CDKL3: variants seen among roughly 807,000 people sequenced by gnomAD.
CDKL3 encodes cyclin dependent kinase like 3.
CDKL3 carries 65 observed loss-of-function variants against 69.3 expected under a neutral mutation model. That is an observed-to-expected ratio of 0.94 (90% CI 0.77 to 1.15). The LOEUF (loss-of-function observed/expected upper bound fraction) is 1.15, where lower values mean the gene tolerates loss of function less well. Among genes scored for constraint, CDKL3 ranks in the 50% most tolerant of loss-of-function variants. The probability of loss-of-function intolerance (pLI) is 0.00; values close to 1 mark genes in which losing one functional copy is unlikely to be tolerated. For synonymous variants in CDKL3, 202 were observed against 221.6 expected (o/e 0.91, Z 0.79); for missense variants, 652 against 689.2 (o/e 0.95, Z 0.61).
chr5:134,329,668 A>G (rs1775289014), intron 4 of CDKL3, among the ~76,000 whole-genome samples: 1 of 151,612 alleles, frequency 6.6e-6, no homozygotes, highest in Non-Finnish European at 1.5e-5. Flanking sequence ...AGGGGGTTTC[A>G]CCATGTTAGC....
chr5:134,298,005 C>T (rs532008950), downstream of CDKL3, among the ~76,000 whole-genome samples: 22 of 151,640 alleles, frequency 1.5e-4, no homozygotes, highest in African/African-American at 5.3e-4. Context: ...ATGATCTTGG[C>T]TCTCTGCAAC....
At chr5:134,364,741 G>A (rs926018338) in intron 2 of CDKL3, among the ~76,000 whole-genome samples, 2 of 151,976 alleles carry the variant, frequency 1.3e-5, no homozygotes, top group African/African-American at 4.8e-5. Context: ...TCGAACTCCT[G>A]ACCTCAGGTG....
At chr5:134,368,401 G>A (rs1003390674), upstream of CDKL3, among the ~76,000 whole-genome samples, 3 of 152,040 alleles carry the variant, frequency 2.0e-5, no homozygotes, top group Non-Finnish European at 2.9e-5. Flanking sequence ...GGCGGATCAC[G>A]AGGTCAGGAG....
intron 2 of CDKL3, among the ~76,000 whole-genome samples, chr5:134,364,809 T>C (rs888796233): frequency 8.9e-5 from 12 of 135,148 alleles, no homozygotes; most frequent in African/African-American, 1.7e-4. Flanking sequence ...CACAGCGCCC[T>C]TTTTTTTTTT....
chr5:134,365,151 T>C (rs1277805720), intron 2 of CDKL3, among the ~76,000 whole-genome samples: 2 of 151,800 alleles, frequency 1.3e-5, no homozygotes, highest in Non-Finnish European at 2.9e-5. Context: ...CCCGGCTAAT[T>C]TTTTGTATTT....
chr5:134,348,070 T>TAA (rs1752384967), intron 4 of CDKL3, among the ~76,000 whole-genome samples: 1 of 152,062 alleles, frequency 6.6e-6, no homozygotes, highest in Non-Finnish European at 1.5e-5. Flanking sequence ...TGGAGGCACA[T>TAA]TTGGGTGACA....
chr5:134,345,187 G>A (rs980654965), intron 4 of CDKL3, among the ~76,000 whole-genome samples: 1 of 152,090 alleles, frequency 6.6e-6, no homozygotes, highest in Non-Finnish European at 1.5e-5. Flanking sequence ...TTTTTACTGA[G>A]GTGATGAAAA....
At chr5:134,324,076 A>G (rs1005013530) in intron 4 of CDKL3, among the ~76,000 whole-genome samples, 4 of 152,248 alleles carry the variant, frequency 2.6e-5, no homozygotes, top group African/African-American at 9.6e-5. Context: ...TACAGATGGC[A>G]AATGGGCATA....
chr5:134,349,991 C>A (rs540984338), intron 4 of CDKL3, among the ~76,000 whole-genome samples: 14 of 152,194 alleles, frequency 9.2e-5, no homozygotes, highest in African/African-American at 2.4e-4. Flanking sequence ...AGTTCGAAAC[C>A]AGCCTGACCA....
intron 12 of CDKL3, 31 bp downstream of exon 12, chr5:134,302,559 C>A: frequency 9.0e-7 from 1 of 1,114,136 alleles, no homozygotes; most frequent in Non-Finnish European, 1.3e-6. Context: ...AACAACATGC[C>A]TTAGTAAAAG....
intron 3 of CDKL3, among the ~76,000 whole-genome samples, chr5:134,355,301 G>C (rs988157163): frequency 1.0e-4 from 15 of 147,800 alleles, no homozygotes; most frequent in Admixed American, 2.0e-4. Context: ...TCAGTTGTAA[G>C]AGAAACACCT....
rs578087258 is a variant in CDKL3, at chr5:134,366,484, T to C, written c.40A>G (p.Ser14Gly). ...TTACATTTCATGACTGTTCCGTAAC[T>C]TCCCTCTCCCACTTTTCCAAGGGTT... ...YETLGKVGEG[S>G]YGTVMKCKHK... is the part of the protein sequence containing the mutation. The change falls in exon 2 of 13, where the codon AGT becomes GGT. Residue 14 changes from serine (S) to glycine (G), a missense_variant. Transcript: ENST00000265334. 6.2e-7 allele frequency: 1 copy of C among 1,608,258 alleles called. No homozygotes were observed. The highest frequency in any genetic ancestry group is 2.2e-5 in the East Asian group (1 of 44,774).
At chr5:134,344,104 A>G (rs1751216143) in intron 4 of CDKL3, among the ~76,000 whole-genome samples, 1 of 152,234 alleles carries the variant, frequency 6.6e-6, no homozygotes, top group Non-Finnish European at 1.5e-5. Flanking sequence ...GCCAAATGCA[A>G]AAGAATGAAC....
Position 134,360,065 on chromosome 5 carries a change from A to C in CDKL3, c.192T>G (p.Asn64Lys), listed in dbSNP as rs1755638346. ...LKQFHHENLVNLIEVFRQKKK... is the reference protein window; with the variant it reads ...LKQFHHENLVKLIEVFRQKKK... ...TTTTCTGTCTAAAAACTTCAATCAG[A>C]TTGACCAGGTTTTCGTGATGAAATT... Residue 64 changes from asparagine (N) to lysine (K), a missense_variant, in exon 3 of 13, where the codon AAT becomes AAG. Asn to Lys is a moderately conservative substitution (Grantham distance 94, BLOSUM62 0). Transcript: ENST00000265334. 2 of 1,543,134 alleles carry C rather than the reference A, an allele frequency of 1.3e-6. No individual in the cohort carries two copies. The highest frequency in any genetic ancestry group is 8.7e-7 in the Non-Finnish European group (1 of 1,145,534).
chr5:134,343,920 T>A (rs915275161), intron 4 of CDKL3, among the ~76,000 whole-genome samples: 1 of 152,202 alleles, frequency 6.6e-6, no homozygotes, highest in African/African-American at 2.4e-5. Flanking sequence ...AGTTATTCTA[T>A]CTCTATTGCA....
At chr5:134,341,935 C>T (rs7712383) in intron 4 of CDKL3, among the ~76,000 whole-genome samples, 21,309 of 152,212 alleles carry the variant, frequency 0.14, 1,821 homozygotes, top group African/African-American at 0.23. Context: ...AAATCTAATG[C>T]AGTCTGCTGC....
upstream of CDKL3, chr5:134,371,504 C>T (rs976049698): frequency 6.7e-7 from 1 of 1,485,678 alleles, no homozygotes; most frequent in Non-Finnish European, 9.0e-7. Flanking sequence ...GCGGCGGCGG[C>T]GATCCACAGT....
chr5:134,289,062 T>G (rs1479938309), intron 8 of CDKL3, among the ~76,000 whole-genome samples: 1 of 150,018 alleles, frequency 6.7e-6, no homozygotes, highest in African/African-American at 2.5e-5. Flanking sequence ...TTCAGGAGGC[T>G]GAGGCAAGAG....
intron 5 of CDKL3, among the ~76,000 whole-genome samples, chr5:134,320,962 C>T (rs1772589889): frequency 1.3e-5 from 2 of 151,050 alleles, no homozygotes; most frequent in Admixed American, 6.6e-5. Flanking sequence ...GTTTTGGTGG[C>T]CAAAGCAGAT....
Sources: gnomAD v4.1 joint callset for allele counts (sites outside exome capture counted in the v4.1 genomes callset) on GRCh38, gnomAD v4.1.1 for gene constraint, MANE v1.5 for transcripts, NCBI Gene and HGNC (gene_info 2026-07-23, HGNC 2026-07-21) for gene names.